The following ATP8A2 variants were observed in gnomAD, a reference collection of about 807,000 sequenced individuals.
The protein encoded by ATP8A2 is phospholipid-transporting ATPase IB.
A neutral mutation model predicts 165.6 loss-of-function variants in ATP8A2; 100 were observed. The observed-to-expected ratio is 0.60, with a 90% CI of 0.51 to 0.71. The LOEUF is 0.71. Among genes scored for constraint, ATP8A2 ranks in the 30% least tolerant of loss-of-function variants. ATP8A2 has a pLI of 0.00. For synonymous variants in ATP8A2, 543 were observed against 548.8 expected (o/e 0.99, Z 0.15); for missense variants, 1,227 against 1,479.5 (o/e 0.83, Z 2.80).
At chr13:25,666,854 A>G (rs1343721399) in intron 24 of ATP8A2, among the ~76,000 whole-genome samples, 1 of 152,218 alleles carries the variant, frequency 6.6e-6, no homozygotes, top group Admixed American at 6.5e-5. Flanking sequence ...TACTTCTGCT[A>G]TCTCTTTAGA....
chr13:25,797,209 A>G (rs998227583), intron 27 of ATP8A2, among the ~76,000 whole-genome samples: 2 of 152,208 alleles, frequency 1.3e-5, no homozygotes, highest in African/African-American at 4.8e-5. Flanking sequence ...CAGAGGTTGC[A>G]GTGAGCCAAG....
chr13:25,786,379 T>A (rs2045026317), intron 27 of ATP8A2, among the ~76,000 whole-genome samples: 1 of 152,168 alleles, frequency 6.6e-6, no homozygotes, highest in South Asian at 2.1e-4. Context: ...CTTGCCTGGT[T>A]TTTCAAACAG....
At chr13:25,450,289 G>A (rs1428766870) in intron 1 of ATP8A2, among the ~76,000 whole-genome samples, 3 of 152,168 alleles carry the variant, frequency 2.0e-5, no homozygotes, top group Admixed American at 6.5e-5. Context: ...GAACATGCGT[G>A]CATGTGTCTT....
At chr13:25,982,266 C>A (rs1956185361) in intron 35 of ATP8A2, among the ~76,000 whole-genome samples, 1 of 152,214 alleles carries the variant, frequency 6.6e-6, no homozygotes, top group African/African-American at 2.4e-5. Flanking sequence ...AAGCTATCAT[C>A]TTTTCACCAT....
At chr13:25,549,661 G>A (rs1204415379) in intron 10 of ATP8A2, among the ~76,000 whole-genome samples, 1 of 151,884 alleles carries the variant, frequency 6.6e-6, no homozygotes, top group African/African-American at 2.4e-5. Context: ...TGTTATTACT[G>A]TACTGGTTTC....
chr13:25,460,105 G>A (rs1328761082), intron 1 of ATP8A2, among the ~76,000 whole-genome samples: 2 of 152,180 alleles, frequency 1.3e-5, no homozygotes, highest in Non-Finnish European at 2.9e-5. Context: ...GGAGGCTGAG[G>A]TGGGAGAACT....
At chr13:25,595,324 A>G (rs1363204981) in intron 24 of ATP8A2, among the ~76,000 whole-genome samples, 6 of 152,210 alleles carry the variant, frequency 3.9e-5, no homozygotes, top group Admixed American at 3.3e-4. Flanking sequence ...ACAGTCACTG[A>G]TGGAATGGCT....
Position 26,020,023 on chromosome 13 carries a change from C to A in ATP8A2, c.*38C>A. ...CCTGACTGATCTTAGGAAAGAGATT[C>A]AGTTTGTTGCACCCAGTGTTAACAC... On this transcript the variant is annotated 3_prime_UTR_variant, in exon 37 of 37. Transcript: ENST00000381655. 1 of 1,419,388 alleles carries A rather than the reference C, an allele frequency of 7.0e-7. No homozygotes were observed. The highest frequency in any genetic ancestry group is 1.0e-6 in the Non-Finnish European group (1 of 1,003,834). The allele number at this position is 1,419,388 out of a possible 1,614,324, so 87.9% of individuals were successfully genotyped here. A position where few individuals can be genotyped will look rare whatever the true frequency, so the allele number is the denominator to read the frequency against.
intron 15 of ATP8A2, among the ~76,000 whole-genome samples, chr13:25,560,025 A>C (rs953756480): frequency 9.2e-5 from 14 of 152,178 alleles, no homozygotes; most frequent in African/African-American, 3.4e-4. Context: ...ATGAGGTCTC[A>C]CTATGTTGCT....
At chr13:25,940,839 C>A (rs1535885) in intron 33 of ATP8A2, among the ~76,000 whole-genome samples, 62,788 of 152,060 alleles carry the variant, frequency 0.41, 13,990 homozygotes, top group African/African-American at 0.59. Flanking sequence ...ACGATCCTGG[C>A]CAAGCTCCGT....
intron 27 of ATP8A2, among the ~76,000 whole-genome samples, chr13:25,826,105 C>A (rs1328745150): frequency 6.6e-6 from 1 of 152,052 alleles, no homozygotes; most frequent in Admixed American, 6.6e-5. Context: ...TATTCTCACA[C>A]CCTCAAAATA....
chr13:25,680,916 A>G (rs2042473657), intron 24 of ATP8A2, among the ~76,000 whole-genome samples: 1 of 152,186 alleles, frequency 6.6e-6, no homozygotes, highest in Non-Finnish European at 1.5e-5. Context: ...AATAGCATGG[A>G]AGACTTCAGG....
At chr13:25,430,798 A>G (rs1405568215) in intron 1 of ATP8A2, among the ~76,000 whole-genome samples, 1 of 152,052 alleles carries the variant, frequency 6.6e-6, no homozygotes, top group Non-Finnish European at 1.5e-5. Context: ...GGGTTTCACC[A>G]TGTTGGTAAG....
At chr13:25,698,572 A>C (rs1036717590) in intron 24 of ATP8A2, among the ~76,000 whole-genome samples, 8 of 151,990 alleles carry the variant, frequency 5.3e-5, no homozygotes, top group Non-Finnish European at 8.8e-5. Flanking sequence ...ATTGTGCTTT[A>C]ATTCCATGTG....
intron 1 of ATP8A2, among the ~76,000 whole-genome samples, chr13:25,466,936 C>T (rs897144836): frequency 1.3e-5 from 2 of 152,172 alleles, no homozygotes; most frequent in African/African-American, 4.8e-5. Flanking sequence ...GAGAGAAAAG[C>T]AGTACTTCCA....
chr13:25,720,751 T>A (rs1348084174), intron 25 of ATP8A2, among the ~76,000 whole-genome samples: 1 of 152,214 alleles, frequency 6.6e-6, no homozygotes, highest in East Asian at 1.9e-4. Flanking sequence ...TTCCTGATGC[T>A]TGCTTCTTTT....
intron 25 of ATP8A2, among the ~76,000 whole-genome samples, chr13:25,720,261 AG>A (rs1367107302): frequency 2.1e-5 from 3 of 140,768 alleles, no homozygotes; most frequent in African/African-American, 8.3e-5. Flanking sequence ...TCCACCTCCC[AG>A]GTTCATGCCA....
At chr13:25,429,386 A>G (rs78143289) in intron 1 of ATP8A2, among the ~76,000 whole-genome samples, 1,587 of 145,942 alleles carry the variant, frequency 0.011, 64 homozygotes, top group African/African-American at 0.039. Flanking sequence ...AAAAAAAAAA[A>G]AAAAAAAAAA....
intron 1 of ATP8A2, among the ~76,000 whole-genome samples, chr13:25,391,019 C>A (rs935014353): frequency 6.6e-6 from 1 of 152,080 alleles, no homozygotes; most frequent in African/African-American, 2.4e-5. Context: ...TAGGGATGGA[C>A]TGCAGTTTGT....
Sources: gnomAD v4.1 joint callset for allele counts (sites outside exome capture counted in the v4.1 genomes callset) on GRCh38, gnomAD v4.1.1 for gene constraint, MANE v1.5 for transcripts, NCBI Gene and HGNC (gene_info 2026-07-23, HGNC 2026-07-21) for gene names.